The following LNX2 variants were observed in gnomAD, a reference collection of about 807,000 sequenced individuals.
LNX2 encodes the protein ligand of Numb protein X 2.
A neutral mutation model predicts 66.2 loss-of-function variants in LNX2; 35 were observed. That is an observed-to-expected ratio of 0.53 (90% CI 0.40 to 0.70). LNX2 has a LOEUF of 0.70. Ranked by LOEUF, LNX2 falls within the 30% of genes least tolerant of loss-of-function variation. The pLI is 0.00. For synonymous variants in LNX2, 337 were observed against 315.6 expected (o/e 1.07, Z -0.72); for missense variants, 791 against 850.8 (o/e 0.93, Z 0.87).
chr13:27,564,095 A>T (rs894036277), intron 4 of LNX2, among the ~76,000 whole-genome samples: 3 of 152,176 alleles, frequency 2.0e-5, no homozygotes, highest in Non-Finnish European at 2.9e-5. Context: ...GTAGGTTCAC[A>T]TTTTTCTGTC....
chr13:27,593,958 G>A (rs1487959771), intron 1 of LNX2, among the ~76,000 whole-genome samples: 1 of 151,796 alleles, frequency 6.6e-6, no homozygotes, highest in African/African-American at 2.4e-5. Context: ...TGTAACAGCT[G>A]TCCAATTACT....
intron 2 of LNX2, among the ~76,000 whole-genome samples, chr13:27,578,855 G>A (rs1178458432): frequency 2.0e-5 from 3 of 152,184 alleles, no homozygotes; most frequent in Non-Finnish European, 4.4e-5. Context: ...GCAGAGACAA[G>A]CCATCCCTGT....
chr13:27,613,638 G>A lies in LNX2; in HGVS notation c.-101+6737C>T, dbSNP rs149203273. 2.8e-3 allele frequency among the ~76,000 whole-genome samples: 424 copies of A among 152,054 alleles called. 1 individual carries two copies. Among genetic ancestry groups the A allele is most frequent in the Non-Finnish European group, 5.2e-3 (356 of 67,992 alleles). On this transcript the variant is annotated intron_variant, in intron 1 of 9. Transcript: ENST00000316334. ...CAAAAATTATCTGGGTGTGGTGGCG[G>A]GTGCTTGTAATCCCAGCTATTGGGG...
chr13:27,583,220 G>GCCCTCTCCAATATAACTT lies in LNX2; in HGVS notation c.-100-1418_-100-1417insAAGTTATATTGGAGAGGG, dbSNP rs1416930539. On this transcript the variant is annotated intron_variant, in intron 1 of 9. Coordinates refer to ENST00000316334, the MANE Select transcript of LNX2 (RefSeq NM_153371.4). ...TGTGTGTGTGTGTGTGTGTGTGTGT[G>GCCCTCTCCAATATAACTT]TGTGTGTGTGTGTGTGTGTGTGTGT... Among the ~76,000 whole-genome samples the GCCCTCTCCAATATAACTT allele has an allele frequency of 8.7e-4, 16 of 18,414 alleles. 1 individual carries two copies. Among genetic ancestry groups the GCCCTCTCCAATATAACTT allele is most frequent in the African/African-American group, 2.0e-3 (3 of 1,480 alleles). 12.1% of individuals were successfully genotyped at this position (18,414 alleles called of 152,430 possible).
chr13:27,610,713 T>C (rs1955763113), intron 1 of LNX2, among the ~76,000 whole-genome samples: 1 of 152,058 alleles, frequency 6.6e-6, no homozygotes, highest in African/African-American at 2.4e-5. Context: ...GAGAAAATAT[T>C]TGCAAATCGT....
intron 4 of LNX2, among the ~76,000 whole-genome samples, chr13:27,564,594 T>C (rs1374843148): frequency 3.3e-5 from 5 of 152,102 alleles, no homozygotes; most frequent in Non-Finnish European, 7.4e-5. Context: ...TAACAGCATA[T>C]GGTTCTCCTT....
At position 27,548,155 on chromosome 13, in the gene LNX2, A is replaced by G; in HGVS notation, c.*180T>C. On this transcript the variant is annotated 3_prime_UTR_variant, in exon 10 of 10. Coordinates refer to ENST00000316334, the MANE Select transcript of LNX2 (RefSeq NM_153371.4). The stretch of plus-strand genomic sequence containing the variant: ...TGGAAGACTGTTTCCAAGCTAAAAG[A>G]AATGTAACTAACTTAGGAAACCATT... 1 of 567,912 alleles carries G rather than the reference A, an allele frequency of 1.8e-6. No individual in the cohort carries two copies. Among genetic ancestry groups the G allele is most frequent in the East Asian group, 2.9e-5 (1 of 34,522 alleles). 35.2% of individuals were successfully genotyped at this position (567,912 alleles called of 1,614,324 possible).
rs1399360724 is a variant in LNX2, at chr13:27,547,140, TTAA to T, written c.*1192_*1194del. On this transcript the variant is annotated 3_prime_UTR_variant, in exon 10 of 10. Coordinates refer to ENST00000316334, the MANE Select transcript of LNX2 (RefSeq NM_153371.4). ...CTACTTAGCTGTGATATATAGGTAT[TTAA>T]TAATATGGTTTTATCTTTATCATTT... is the stretch of plus-strand genomic sequence containing the variant. The T allele has an allele frequency of 2.0e-5, 3 of 152,212 alleles. No individual in the cohort carries two copies. The highest frequency in any genetic ancestry group is 4.4e-5 in the Non-Finnish European group (3 of 68,020). 9.4% of individuals were successfully genotyped at this position (152,212 alleles called of 1,614,324 possible). A position where few individuals can be genotyped will look rare whatever the true frequency, so the allele number is the denominator to read the frequency against.
At chr13:27,585,102 C>T (rs1955468443) in intron 1 of LNX2, among the ~76,000 whole-genome samples, 1 of 143,498 alleles carries the variant, frequency 7.0e-6, no homozygotes, top group Admixed American at 7.3e-5. Context: ...GCCTGGGTGA[C>T]AGGGTGAGAC....
intron 1 of LNX2, among the ~76,000 whole-genome samples, chr13:27,616,587 A>C (rs1955829583): frequency 6.6e-6 from 1 of 152,130 alleles, no homozygotes; most frequent in Admixed American, 6.5e-5. Context: ...ACAATACATT[A>C]ATATTTGTTT....
chr13:27,556,319 C>T lies in LNX2; in HGVS notation c.1463G>A (p.Gly488Glu). 6.2e-7 allele frequency: 1 copy of T among 1,614,004 alleles called. No homozygotes were observed. Among genetic ancestry groups the T allele is most frequent in the Non-Finnish European group, 8.5e-7 (1 of 1,179,944 alleles). The change falls in exon 7 of 10, where the codon GGA becomes GAA. Residue 488 changes from glycine (G) to glutamate (E), a missense_variant. By Grantham distance (98) the Gly-to-Glu change is moderately conservative. Coordinates refer to ENST00000316334, the MANE Select transcript of LNX2 (RefSeq NM_153371.4). ...SLGMTVAGGRGSKSGELPIFV... is the reference protein window; with the variant it reads ...SLGMTVAGGRESKSGELPIFV... ...GATGGGCAGCTCACCACTCTTACTT[C>T]CCCTGCCCCCAGCAACGGTCATGCC...
rs1279620727 is a variant in LNX2, at chr13:27,553,226, A to G, written c.1760T>C (p.Met587Thr). Reference sequence around the variant, plus strand: ...TCAGTACCTGGGAAGCCCAAGCCACATGACCCATGATGGGGACCAACTGGC... The same window carrying G: ...TCAGTACCTGGGAAGCCCAAGCCACGTGACCCATGATGGGGACCAACTGGC... ...YDASWSPSWVMWLGLPSTLHS... is the reference protein window; with the variant it reads ...YDASWSPSWVTWLGLPSTLHS... The change falls in exon 8 of 10, where the codon ATG becomes ACG. Residue 587 changes from methionine (M) to threonine (T), a missense_variant. Met to Thr is a moderately conservative substitution (Grantham distance 81). Coordinates refer to ENST00000316334, the MANE Select transcript of LNX2 (RefSeq NM_153371.4). The G allele has an allele frequency of 6.2e-7, 1 of 1,614,030 alleles. No homozygotes were observed. Among genetic ancestry groups the G allele is most frequent in the Non-Finnish European group, 8.5e-7 (1 of 1,180,008 alleles).
intron 3 of LNX2, among the ~76,000 whole-genome samples, chr13:27,568,172 AT>A (rs1322301943): frequency 2.0e-5 from 3 of 152,200 alleles, no homozygotes; most frequent in African/African-American, 7.2e-5. Flanking sequence ...ACTGTACATA[AT>A]GAGAGGCAGT....
chr13:27,577,290 CT>C (rs1955350086), intron 2 of LNX2, among the ~76,000 whole-genome samples: 1 of 152,170 alleles, frequency 6.6e-6, no homozygotes, highest in African/African-American at 2.4e-5. Flanking sequence ...CATATATCTG[CT>C]TTTTCACACC....
intron 1 of LNX2, among the ~76,000 whole-genome samples, chr13:27,600,407 C>A (rs1310537938): frequency 6.6e-6 from 1 of 152,082 alleles, no homozygotes; most frequent in African/African-American, 2.4e-5. Flanking sequence ...AGGAGTAAGT[C>A]GTTTCCTCAA....
At chr13:27,614,988 CTA>C (rs1244619791) in intron 1 of LNX2, among the ~76,000 whole-genome samples, 1 of 152,094 alleles carries the variant, frequency 6.6e-6, no homozygotes, top group Non-Finnish European at 1.5e-5. Flanking sequence ...CAGAATACTT[CTA>C]TGTCCAAATG....
At chr13:27,608,440 G>T (rs566141496) in intron 1 of LNX2, among the ~76,000 whole-genome samples, 1 of 152,186 alleles carries the variant, frequency 6.6e-6, no homozygotes, top group African/African-American at 2.4e-5. Flanking sequence ...TATTTTAAAA[G>T]AATTATAACT....
intron 1 of LNX2, among the ~76,000 whole-genome samples, chr13:27,585,115 G>A (rs1159358122): frequency 7.1e-6 from 1 of 141,302 alleles, no homozygotes. Flanking sequence ...GGTGAGACTC[G>A]GTCTCAGAAA....
At chr13:27,599,013 A>T (rs993842593) in intron 1 of LNX2, among the ~76,000 whole-genome samples, 1 of 152,140 alleles carries the variant, frequency 6.6e-6, no homozygotes, top group Non-Finnish European at 1.5e-5. Context: ...TTTCACTTTT[A>T]ATTTTTACTG....
Sources: allele counts gnomAD v4.1 joint callset (sites outside exome capture counted in the v4.1 genomes callset), GRCh38; gene constraint gnomAD v4.1.1; transcripts MANE v1.5; gene names NCBI Gene and HGNC (gene_info 2026-07-23, HGNC 2026-07-21).